The following ABI3BP variants were observed in gnomAD, a reference collection of about 807,000 sequenced individuals.
ABI3BP encodes the protein ABI family member 3 binding protein, also known as target of Nesh-SH3.
ABI3BP carries 216 observed loss-of-function variants against 268.6 expected under a neutral mutation model. The ratio of observed to expected loss-of-function variants is 0.80; its 90% CI spans 0.72 to 0.90. The LOEUF (loss-of-function observed/expected upper bound fraction) is 0.90, where lower values mean the gene tolerates loss of function less well. Among genes scored for constraint, ABI3BP ranks in the 40% least tolerant of loss-of-function variants. The probability of loss-of-function intolerance (pLI) is 0.00; values close to 1 mark genes in which losing one functional copy is unlikely to be tolerated. For synonymous variants in ABI3BP, 730 were observed against 730.0 expected (o/e 1.00, Z 0.00); for missense variants, 2,090 against 2,182.4 (o/e 0.96, Z 0.84).
At chr3:100,808,295 C>T in intron 49 of ABI3BP, 60 bp from the exon 50 acceptor site, 2 of 1,277,910 alleles carry the variant, frequency 1.6e-6, no homozygotes, top group Non-Finnish European at 2.2e-6. Flanking sequence ...AGTACCTAAG[C>T]CTCTAGAAGC....
At chr3:100,856,231 C>T (rs969834807) in intron 14 of ABI3BP, among the ~76,000 whole-genome samples, 18 of 152,128 alleles carry the variant, frequency 1.2e-4, no homozygotes, top group Admixed American at 1.0e-3. Context: ...CACCTGCTGC[C>T]AAAACTTTCT....
chr3:100,780,321 T>C (rs1396785969), intron 57 of ABI3BP, 112 bp from the exon 58 acceptor site: 2 of 958,980 alleles, frequency 2.1e-6, no homozygotes, highest in Non-Finnish European at 3.1e-6. Flanking sequence ...AGCATTGGTG[T>C]TTTTATGCCA....
intron 3 of ABI3BP, among the ~76,000 whole-genome samples, chr3:100,901,701 G>A (rs1025642011): frequency 6.6e-6 from 1 of 151,960 alleles, no homozygotes; most frequent in African/African-American, 2.4e-5. Context: ...GGGAGGCGGA[G>A]CTTGCAGTGA....
intron 2 of ABI3BP, among the ~76,000 whole-genome samples, chr3:100,904,177 T>C (rs2051969288): frequency 1.4e-4 from 21 of 152,202 alleles, no homozygotes; most frequent in Admixed American, 1.4e-3. Context: ...CTGGCACTAC[T>C]ATTATCACCT....
rs376565963 is a variant in ABI3BP, at chr3:100,858,013, G to T, written c.1285+4298C>A. Reference sequence around the variant, plus strand: ...AGCGCTTGCTCCTTAACAACACTGAGATTATAGTTAACTAGCTACTTTACA... The same window carrying T: ...AGCGCTTGCTCCTTAACAACACTGATATTATAGTTAACTAGCTACTTTACA... On this transcript the variant is annotated intron_variant, in intron 14 of 67. Coordinates refer to ENST00000471714, the MANE Select transcript of ABI3BP (RefSeq NM_001375547.2). 2.6e-5 allele frequency among the ~76,000 whole-genome samples: 4 copies of T among 152,226 alleles called. No homozygotes were observed. In the South Asian group the frequency reaches 8.3e-4, roughly 32 times the overall value.
intron 2 of ABI3BP, among the ~76,000 whole-genome samples, chr3:100,913,423 G>A (rs567362360): frequency 6.6e-6 from 1 of 152,312 alleles, no homozygotes; most frequent in South Asian, 2.1e-4. Flanking sequence ...AGCAGCAACT[G>A]AAAGTCTGGA....
intron 1 of ABI3BP, among the ~76,000 whole-genome samples, chr3:100,956,987 CTTTTATT>C (rs2077052274): frequency 6.6e-6 from 1 of 152,042 alleles, no homozygotes; most frequent in Non-Finnish European, 1.5e-5. Flanking sequence ...CGGAGTTTGG[CTTTTATT>C]CTGTGATGGT....
At chr3:100,949,657 A>G (rs910662160) in intron 1 of ABI3BP, among the ~76,000 whole-genome samples, 7 of 152,144 alleles carry the variant, frequency 4.6e-5, no homozygotes, top group African/African-American at 1.7e-4. Flanking sequence ...TTAAAATCAC[A>G]TTTGAGATCT....
chr3:100,829,980 G>T (rs2098456147), intron 32 of ABI3BP, among the ~76,000 whole-genome samples: 3 of 150,340 alleles, frequency 2.0e-5, no homozygotes, highest in South Asian at 4.2e-4. Context: ...ATTTGTGATG[G>T]TACTTACAAT....
At chr3:100,849,504 G>A (rs1022815784) in intron 17 of ABI3BP, among the ~76,000 whole-genome samples, 2 of 152,200 alleles carry the variant, frequency 1.3e-5, no homozygotes, top group East Asian at 1.9e-4. Context: ...GATTACAGGC[G>A]TGAGGCACCA....
At chr3:100,929,878 G>GT (rs904060588) in intron 1 of ABI3BP, among the ~76,000 whole-genome samples, 23 of 151,440 alleles carry the variant, frequency 1.5e-4, no homozygotes, top group African/African-American at 4.6e-4. Context: ...GGTTAAGCAA[G>GT]TTTTTTTTTC....
At chr3:100,942,749 C>T (rs1183107831) in intron 1 of ABI3BP, among the ~76,000 whole-genome samples, 1 of 152,100 alleles carries the variant, frequency 6.6e-6, no homozygotes, top group Non-Finnish European at 1.5e-5. Context: ...CCATCCCAGA[C>T]CTATTGAATT....
intron 1 of ABI3BP, among the ~76,000 whole-genome samples, chr3:100,963,807 G>C (rs1050750799): frequency 2.0e-5 from 3 of 152,104 alleles, no homozygotes; most frequent in Non-Finnish European, 2.9e-5. Flanking sequence ...GGGAGGCTCT[G>C]ATTTCACTCC....
chr3:100,902,328 T>C (rs1038362030), intron 3 of ABI3BP, among the ~76,000 whole-genome samples: 1 of 152,192 alleles, frequency 6.6e-6, no homozygotes, highest in Non-Finnish European at 1.5e-5. Context: ...TTAACTCATT[T>C]AATCCTCAAG....
At chr3:100,820,447 C>T in intron 39 of ABI3BP, 144 bp from the exon 40 acceptor site, 2 of 504,794 alleles carry the variant, frequency 4.0e-6, no homozygotes, top group East Asian at 6.0e-5. Flanking sequence ...TAATTAGAAA[C>T]ATTCACTATT....
chr3:100,989,169 G>T (rs2092491126), intron 1 of ABI3BP, among the ~76,000 whole-genome samples: 1 of 152,110 alleles, frequency 6.6e-6, no homozygotes, highest in Non-Finnish European at 1.5e-5. Flanking sequence ...TGAGGATGCA[G>T]CAAGAAGGCC....
rs2044575722 is a variant in ABI3BP at position 100,891,385 on chromosome 3, A to G, written c.462-5062T>C. Among the ~76,000 whole-genome samples the G allele has an allele frequency of 2.6e-5, 4 of 152,354 alleles. No homozygotes were observed. In the South Asian group the frequency reaches 8.3e-4, roughly 32 times the overall value. ...TAAAGTAAATAATATCAAAGCAATG[A>G]GAAGGCTAGCAGGAGACAGTATAAT... On this transcript the variant is annotated intron_variant, in intron 4 of 67. Coordinates refer to ENST00000471714, the MANE Select transcript of ABI3BP (RefSeq NM_001375547.2).
At chr3:100,848,620 T>C (rs948477500) in intron 18 of ABI3BP, among the ~76,000 whole-genome samples, 181 bp downstream of exon 18, 6 of 151,958 alleles carry the variant, frequency 3.9e-5, no homozygotes, top group Admixed American at 2.0e-4. Flanking sequence ...AGAGACGGGG[T>C]CTCACTAGCT....
At chr3:100,976,837 T>A (rs2153921816) in intron 1 of ABI3BP, among the ~76,000 whole-genome samples, 2 of 152,220 alleles carry the variant, frequency 1.3e-5, no homozygotes, top group Middle Eastern at 6.8e-3. Flanking sequence ...TGGGCACAGG[T>A]CGACTCTTCT....
Sources: allele counts gnomAD v4.1 joint callset (sites outside exome capture counted in the v4.1 genomes callset), GRCh38; gene constraint gnomAD v4.1.1; transcripts MANE v1.5; gene names NCBI Gene and HGNC (gene_info 2026-07-23, HGNC 2026-07-21).